PCDH11X: variants seen among roughly 807,000 people sequenced by gnomAD.
PCDH11X encodes protocadherin 11 X-linked.
Under a neutral mutation model 53.3 loss-of-function variants are expected in PCDH11X, and 18 were observed. The ratio of observed to expected loss-of-function variants is 0.34; its 90% CI spans 0.23 to 0.50. The LOEUF is 0.50. Among genes scored for constraint, PCDH11X ranks in the 20% least tolerant of loss-of-function variants. The pLI, the probability that PCDH11X is intolerant of heterozygous loss-of-function variation, is 0.98. For synonymous variants in PCDH11X, 279 were observed against 393.3 expected (o/e 0.71, Z 3.44); for missense variants, 570 against 1,032.4 (o/e 0.55, Z 6.14).
At chrX:92,511,542 T>G (rs2074161633) in intron 10 of PCDH11X, among the ~76,000 whole-genome samples, 1 of 111,885 alleles carries the variant, frequency 8.9e-6, no homozygotes, top group African/African-American at 3.2e-5. Flanking sequence ...GCCATGCCTG[T>G]CACAGAGTAT....
chrX:92,281,278 A>T (rs1469852210), intron 8 of PCDH11X, among the ~76,000 whole-genome samples: 1 of 111,839 alleles, frequency 8.9e-6, no homozygotes, highest in Non-Finnish European at 1.9e-5. Flanking sequence ...ACACGCATAC[A>T]TACACAAGAG....
chrX:91,970,203 C>G (rs1293542617), intron 6 of PCDH11X, among the ~76,000 whole-genome samples: 1 of 111,151 alleles, frequency 9.0e-6, no homozygotes. Context: ...TGAGCAGCAG[C>G]AAAATTTACT....
chrX:92,047,613 A>G (rs1307112988), intron 6 of PCDH11X, among the ~76,000 whole-genome samples: 1 of 110,531 alleles, frequency 9.0e-6, no homozygotes, highest in African/African-American at 3.3e-5. Context: ...TTAAATTTCC[A>G]GGTTAGGTAT....
chrX:92,326,792 CA>C (rs1163201922), intron 8 of PCDH11X, among the ~76,000 whole-genome samples: 4 of 99,966 alleles, frequency 4.0e-5, no homozygotes, highest in African/African-American at 1.5e-4. Context: ...GTACTTTTGC[CA>C]TATTTAATGA....
chrX:92,110,916 GCT>G (rs1293954717), intron 6 of PCDH11X, among the ~76,000 whole-genome samples: 1 of 106,743 alleles, frequency 9.4e-6, no homozygotes, highest in Non-Finnish European at 1.9e-5. Context: ...TCCCTTTCTG[GCT>G]CTCTTTTTTT....
In PCDH11X at chrX:92,186,945, T is replaced by C. The variant is rs150614321; in HGVS notation, c.3034-14430T>C. On this transcript the variant is annotated intron_variant, in intron 6 of 10. Coordinates refer to ENST00000682573, the MANE Select transcript of PCDH11X (RefSeq NM_032968.5). ...ATCACATTGTTCCCCGTAAGTTATG[T>C]GTCAACTAAAACGTTAAATGCAAAG... Among the ~76,000 whole-genome samples, 871 of 112,110 alleles carry C rather than the reference T, an allele frequency of 7.8e-3. 9 individuals are homozygous for C. The highest frequency in any genetic ancestry group is 0.027 in the African/African-American group (828 of 30,904).
intron 10 of PCDH11X, among the ~76,000 whole-genome samples, chrX:92,520,283 G>A (rs2074348802): frequency 9.4e-6 from 1 of 106,284 alleles, no homozygotes; most frequent in Admixed American, 1.0e-4. Context: ...TTAAGCTATA[G>A]TCTATTAAAT....
At chrX:92,344,915 C>T (rs1027510596) in intron 8 of PCDH11X, among the ~76,000 whole-genome samples, 2 of 106,863 alleles carry the variant, frequency 1.9e-5, no homozygotes, top group African/African-American at 6.8e-5. Context: ...TGTCTACTAT[C>T]GCTTCTAAAA....
intron 8 of PCDH11X, among the ~76,000 whole-genome samples, chrX:92,330,684 TAAAC>T (rs1486517705): frequency 1.8e-5 from 2 of 111,375 alleles, no homozygotes; most frequent in Admixed American, 1.9e-4. Context: ...GTAAAATTAA[TAAAC>T]AAATTGTAGC....
intron 6 of PCDH11X, among the ~76,000 whole-genome samples, chrX:92,020,035 G>C (rs1460313853): frequency 8.9e-6 from 1 of 112,302 alleles, no homozygotes; most frequent in African/African-American, 3.2e-5. Flanking sequence ...CTGGGAAACC[G>C]TGCTTTTCCA....
chrX:91,971,113 T>A (rs771605573), intron 6 of PCDH11X, among the ~76,000 whole-genome samples: 2 of 112,025 alleles, frequency 1.8e-5, no homozygotes, highest in East Asian at 5.6e-4. Context: ...TGGTAAGAGA[T>A]GTATAGCTCA....
chrX:92,193,879 G>A (rs953924361), intron 6 of PCDH11X, among the ~76,000 whole-genome samples: 1 of 111,645 alleles, frequency 9.0e-6, no homozygotes, highest in African/African-American at 3.2e-5. Context: ...TTGATGGAAT[G>A]GTTTTCCCTT....
At chrX:92,186,283 T>C (rs2148299257) in intron 6 of PCDH11X, among the ~76,000 whole-genome samples, 1 of 111,947 alleles carries the variant, frequency 8.9e-6, no homozygotes, top group African/African-American at 3.2e-5. Context: ...GAGAGCATGT[T>C]CTCATTCATA....
intron 6 of PCDH11X, among the ~76,000 whole-genome samples, chrX:91,932,693 TG>T: frequency 9.5e-6 from 1 of 105,764 alleles, no homozygotes; most frequent in African/African-American, 3.5e-5. Flanking sequence ...TGTGTGTGTG[TG>T]TGTGTGCGCG....
intron 8 of PCDH11X, among the ~76,000 whole-genome samples, chrX:92,329,805 T>G (rs2069419249): frequency 9.1e-6 from 1 of 110,325 alleles, no homozygotes; most frequent in Admixed American, 9.7e-5. Flanking sequence ...AGATAAAGAG[T>G]AGAATTATGT....
At chrX:92,569,524 A>G (rs1921932253) in intron 10 of PCDH11X, among the ~76,000 whole-genome samples, 1 of 110,573 alleles carries the variant, frequency 9.0e-6, no homozygotes, top group African/African-American at 3.3e-5. Flanking sequence ...AGGTATAATC[A>G]TTGCTAAAAT....
chrX:92,054,804 G>C (rs1242886512), intron 6 of PCDH11X, among the ~76,000 whole-genome samples: 3 of 63,278 alleles, frequency 4.7e-5, no homozygotes, highest in African/African-American at 1.4e-4. Context: ...TGGGCAACAA[G>C]AGTGAAACTC....
At chrX:92,131,210 T>C (rs1043760937) in intron 6 of PCDH11X, among the ~76,000 whole-genome samples, 31 of 112,352 alleles carry the variant, frequency 2.8e-4, no homozygotes, top group African/African-American at 9.0e-4. Context: ...TTCTATTAAC[T>C]GTGATTGATA....
At chrX:92,301,409 G>T (rs185333230) in intron 8 of PCDH11X, among the ~76,000 whole-genome samples, 1,085 of 106,945 alleles carry the variant, frequency 0.01, 5 homozygotes, top group Non-Finnish European at 0.016. Context: ...TTGGGGAATG[G>T]GCGTCCCTGG....
Sources: allele counts gnomAD v4.1 joint callset (sites outside exome capture counted in the v4.1 genomes callset), GRCh38; gene constraint gnomAD v4.1.1; transcripts MANE v1.5; gene names NCBI Gene and HGNC (gene_info 2026-07-23, HGNC 2026-07-21).